Variants in ZNF283 observed in about 807,000 individuals in gnomAD.
ZNF283 encodes zinc finger protein 283.
Under a neutral mutation model 9.2 loss-of-function variants are expected in ZNF283, and 10 were observed. The observed-to-expected ratio is 1.09, with a 90% confidence interval of 0.67 to 1.85. The LOEUF (loss-of-function observed/expected upper bound fraction) is 1.85, where lower values mean the gene tolerates loss of function less well. Among genes scored for constraint, ZNF283 ranks in the 40% most tolerant of loss-of-function variants. ZNF283 has a pLI of 0.00. For synonymous variants in ZNF283, 234 were observed against 244.1 expected (o/e 0.96, Z 0.38); for missense variants, 631 against 760.1 (o/e 0.83, Z 2.00).
At chr19:43,842,558 G>T (rs538792495) in intron 6 of ZNF283, among the ~76,000 whole-genome samples, 11 of 152,160 alleles carry the variant, frequency 7.2e-5, no homozygotes. Context: ...GGTACAGTTT[G>T]GTTTTATCCT....
At chr19:43,842,295 A>G (rs1971243515) in intron 6 of ZNF283, among the ~76,000 whole-genome samples, 1 of 151,724 alleles carries the variant, frequency 6.6e-6, no homozygotes, top group African/African-American at 2.4e-5. Flanking sequence ...TTCCACCTAC[A>G]TTTTATAGTT....
At chr19:43,843,157 A>G (rs1479884262) in intron 6 of ZNF283, among the ~76,000 whole-genome samples, 1 of 152,224 alleles carries the variant, frequency 6.6e-6, no homozygotes, top group Non-Finnish European at 1.5e-5. Context: ...CCTGGCCAAC[A>G]TGGTGAAACC....
In ZNF283 at chr19:43,846,971, AT is replaced by A. The variant is rs1410950504; in HGVS notation, c.371del (p.Ile124AsnfsTer10). On this transcript the variant is annotated frameshift_variant, in exon 7 of 7. Transcript: ENST00000618787. LOFTEE classifies it low-confidence loss of function (END_TRUNC). ...GTCAAAAACGTATGAGACCAAAAAA[AT>A]ATTTTCAGAAAATGATATTTTTGAA... ...LESKTYETKK[I>X]FSENDIFEIN... 3 of 1,583,182 alleles carry A rather than the reference AT, an allele frequency of 1.9e-6. No individual in the cohort carries two copies. Among genetic ancestry groups the A allele is most frequent in the East Asian group, 2.3e-5 (1 of 44,404 alleles).
rs569513084 is a variant in ZNF283 at position 43,848,265 on chromosome 19, G to A, written c.1664G>A (p.Gly555Asp). The A allele has an allele frequency of 6.2e-7, 1 of 1,613,176 alleles. No individual in the cohort carries two copies. Among genetic ancestry groups the A allele is most frequent in the East Asian group, 2.2e-5 (1 of 44,816 alleles). The change falls in exon 7 of 7, where the codon GGC (glycine) becomes GAC (aspartate). Residue 555 changes from glycine (G) to aspartate (D), a missense_variant. Around this residue, in one of 3 missense-constraint regions of ZNF283, gnomAD observed 444 missense variants for 522.5 expected, o/e 0.85. Transcript: ENST00000618787. The stretch of plus-strand genomic sequence containing the variant: ...GAATGTGGGAAGGCTTTTAGTCGTG[G>A]CTATCACCTTACTCAACATCAGAAA... ...CKECGKAFSRGYHLTQHQKIH... is the reference protein window; with the variant it reads ...CKECGKAFSRDYHLTQHQKIH...
At chr19:43,842,896 G>T (rs1033224554) in intron 6 of ZNF283, among the ~76,000 whole-genome samples, 1 of 152,110 alleles carries the variant, frequency 6.6e-6, no homozygotes, top group Non-Finnish European at 1.5e-5. Context: ...TCTTGAAGAA[G>T]CAGTATTCAT....
At chr19:43,830,804 G>A (rs1266543859) in intron 2 of ZNF283, among the ~76,000 whole-genome samples, 2 of 150,396 alleles carry the variant, frequency 1.3e-5, no homozygotes, top group Admixed American at 1.3e-4. Flanking sequence ...TCAATAGGCT[G>A]AGGCAGGAGA....
intron 2 of ZNF283, among the ~76,000 whole-genome samples, chr19:43,830,716 A>G (rs1483021892): frequency 6.6e-6 from 1 of 152,012 alleles, no homozygotes; most frequent in Non-Finnish European, 1.5e-5. Flanking sequence ...CAACCTGACC[A>G]ATATGGTGAA....
intron 3 of ZNF283, 66 bp from the exon 4 acceptor site, chr19:43,833,439 C>G: frequency 4.6e-6 from 1 of 219,294 alleles, no homozygotes; most frequent in South Asian, 4.8e-5. Flanking sequence ...TGGTTGAGTA[C>G]CCTTGTGTAT....
chr19:43,835,772 G>A (rs891062297), intron 5 of ZNF283, among the ~76,000 whole-genome samples, 180 bp downstream of exon 5: 1 of 152,112 alleles, frequency 6.6e-6, no homozygotes, highest in Non-Finnish European at 1.5e-5. Context: ...GTTGGGAGGC[G>A]CTTCAGATTA....
At position 43,848,347 on chromosome 19, in the gene ZNF283, G is replaced by C. The variant is rs2146593429; in HGVS notation, c.1746G>C (p.Trp582Cys). 1 of 1,613,474 alleles carries C rather than the reference G, an allele frequency of 6.2e-7. No homozygotes were observed. Among genetic ancestry groups the C allele is most frequent in the Non-Finnish European group, 8.5e-7 (1 of 1,179,784 alleles). The change falls in exon 7 of 7, where the codon TGG becomes TGC. Residue 582 changes from tryptophan (W) to cysteine (C), a missense_variant. Around this residue, in one of 3 missense-constraint regions of ZNF283, gnomAD observed 444 missense variants for 522.5 expected, o/e 0.85. Coordinates refer to ENST00000618787, the MANE Select transcript of ZNF283 (RefSeq NM_181845.2). ...KCKECGKAFS[W>C]GSSLVKHERV... is the part of the protein sequence containing the mutation. ...AGGAATGTGGGAAGGCCTTCAGTTGGGGTTCAAGCCTAGTTAAGCATGAGA... is the reference window on the plus strand; with the variant it reads ...AGGAATGTGGGAAGGCCTTCAGTTGCGGTTCAAGCCTAGTTAAGCATGAGA...
chr19:43,846,315 CTAAG>C (rs1971398257), intron 6 of ZNF283, among the ~76,000 whole-genome samples: 1 of 152,050 alleles, frequency 6.6e-6, no homozygotes, highest in African/African-American at 2.4e-5. Flanking sequence ...GCTAATAAAT[CTAAG>C]TAAATGTAAA....
chr19:43,831,198 G>T, intron 2 of ZNF283, 120 bp from the exon 3 acceptor site: 1 of 562,638 alleles, frequency 1.8e-6, no homozygotes, highest in South Asian at 2.6e-5. Context: ...CTGAAGAAGT[G>T]GAAAGGTGCA....
chr19:43,833,258 T>G (rs1970797341), intron 3 of ZNF283, among the ~76,000 whole-genome samples: 1 of 151,964 alleles, frequency 6.6e-6, no homozygotes, highest in African/African-American at 2.4e-5. Flanking sequence ...CCTCCCACAT[T>G]ATGTTAGTTA....
intron 3 of ZNF283, among the ~76,000 whole-genome samples, chr19:43,831,821 G>A (rs927475453): frequency 1.3e-5 from 2 of 152,090 alleles, no homozygotes; most frequent in African/African-American, 2.4e-5. Flanking sequence ...TAGAGATGGG[G>A]TTTCACCATG....
intron 6 of ZNF283, among the ~76,000 whole-genome samples, chr19:43,840,113 T>C (rs547115220): frequency 1.3e-5 from 2 of 152,314 alleles, no homozygotes; most frequent in African/African-American, 4.8e-5. Context: ...TTTCAAACTC[T>C]TTTTGCAAAT....
chr19:43,835,934 A>G (rs1970960454), intron 5 of ZNF283, among the ~76,000 whole-genome samples: 1 of 152,180 alleles, frequency 6.6e-6, no homozygotes, highest in Non-Finnish European at 1.5e-5. Context: ...GTAGGCCATG[A>G]GTGACATTTG....
chr19:43,837,883 T>C (rs77524195), intron 6 of ZNF283: 2,974 of 152,048 alleles, frequency 0.02, 51 homozygotes, highest in Non-Finnish European at 0.03. Context: ...TAGAGTAGAG[T>C]TATTAAAGGA....
At position 43,850,666 on chromosome 19, in the gene ZNF283, C is replaced by T. The variant is rs1368911345; in HGVS notation, c.*2025C>T. The T allele has an allele frequency of 6.6e-6, 1 of 152,078 alleles. No homozygotes were observed. Among genetic ancestry groups the T allele is most frequent in the Non-Finnish European group, 1.5e-5 (1 of 68,032 alleles). The allele number at this position is 152,078 out of a possible 1,614,324, so 9.4% of individuals were successfully genotyped here. A position where few individuals can be genotyped will look rare whatever the true frequency, so the allele number is the denominator to read the frequency against. On this transcript the variant is annotated 3_prime_UTR_variant, in exon 7 of 7. Transcript: ENST00000618787. The stretch of plus-strand genomic sequence containing the variant: ...GTTGGTCCAGGCTGATCTTGAACTC[C>T]TGCACCTGCCTCAGCCTCCCAAAGT...
chr19:43,828,691 C>CAA (rs1249691229), intron 2 of ZNF283, among the ~76,000 whole-genome samples: 41 of 152,124 alleles, frequency 2.7e-4, no homozygotes, highest in Admixed American at 9.2e-4. Context: ...AGGTCTCACT[C>CAA]TGTTGCCCAG....
Sources: gnomAD v4.1 joint callset for allele counts (sites outside exome capture counted in the v4.1 genomes callset) on GRCh38, gnomAD v4.1.1 for gene constraint, gnomAD v4.1.1 regional missense constraint, MANE v1.5 for transcripts, NCBI Gene and HGNC (gene_info 2026-07-23, HGNC 2026-07-21) for gene names.